Variants in SLC35F5 observed in about 807,000 individuals in gnomAD.
SLC35F5 encodes HCV NS5A-transactivated protein 3.
In SLC35F5, 54 loss-of-function variants were observed where a neutral mutation model predicts 68.6. The ratio of observed to expected loss-of-function variants is 0.79; its 90% CI spans 0.63 to 0.99. SLC35F5 has a LOEUF of 0.99. Ranked by LOEUF, SLC35F5 falls within the 50% of genes least tolerant of loss-of-function variation. SLC35F5 has a pLI of 0.00. For synonymous variants in SLC35F5, 211 were observed against 205.2 expected (o/e 1.03, Z -0.24); for missense variants, 567 against 626.9 (o/e 0.90, Z 1.02).
Position 113,756,497 on chromosome 2 carries a change from G to A in SLC35F5, c.-88C>T, listed in dbSNP as rs1271933874. 8.6e-6 allele frequency: 13 copies of A among 1,517,932 alleles called. No individual in the cohort carries two copies. The highest frequency in any genetic ancestry group is 1.4e-5 in the African/African-American group (1 of 72,228). The allele number at this position is 1,517,932 out of a possible 1,614,324, so 94.0% of individuals were successfully genotyped here. ...CTGTCACCGCGCCTGACATCGCGCCGCACTGGAGGCCCAGCTCCTGAAGAC... is the reference window on the plus strand; with the variant it reads ...CTGTCACCGCGCCTGACATCGCGCCACACTGGAGGCCCAGCTCCTGAAGAC... On this transcript the variant is annotated 5_prime_UTR_variant, in exon 1 of 16. Coordinates refer to ENST00000245680, the MANE Select transcript of SLC35F5 (RefSeq NM_025181.5).
At chr2:113,740,279 G>C (rs1676206895) in intron 7 of SLC35F5, among the ~76,000 whole-genome samples, 1 of 152,184 alleles carries the variant, frequency 6.6e-6, no homozygotes, top group African/African-American at 2.4e-5. Context: ...CTTCAGGTGA[G>C]CACACAACTC....
intron 3 of SLC35F5, among the ~76,000 whole-genome samples, chr2:113,751,810 C>G (rs1676754322): frequency 1.0e-5 from 1 of 97,344 alleles, no homozygotes; most frequent in African/African-American, 3.7e-5. Context: ...GAGACTCTGT[C>G]CCCAAAAAAG....
At chr2:113,725,827 T>A (rs1687640827) in intron 11 of SLC35F5, 1 of 233,644 alleles carries the variant, frequency 4.3e-6, no homozygotes, top group Non-Finnish European at 8.3e-6. Context: ...GTTGTTAACC[T>A]TAGCTACTGA....
At chr2:113,748,455 C>T (rs571226293) in intron 4 of SLC35F5, among the ~76,000 whole-genome samples, 2 of 152,168 alleles carry the variant, frequency 1.3e-5, no homozygotes, top group Non-Finnish European at 2.9e-5. Flanking sequence ...GCATGAGATA[C>T]CGCACCAGGC....
intron 14 of SLC35F5, among the ~76,000 whole-genome samples, 160 bp from the exon 15 acceptor site, chr2:113,718,010 G>GT (rs1243931658): frequency 6.6e-6 from 1 of 152,090 alleles, no homozygotes; most frequent in African/African-American, 2.4e-5. Flanking sequence ...CCAAGTTAGC[G>GT]TTTTTTGTTT....
At position 113,756,186 on chromosome 2, in the gene SLC35F5, T is replaced by C. The variant is rs544697878; in HGVS notation, c.40+184A>G. ...GAGGGCGCACGCACGGCTTCCTCAA[T>C]TGCCAGCGGTGGGCGCAGGGCTCCG... On this transcript the variant is annotated intron_variant, in intron 1 of 15. Transcript: ENST00000245680. 1.8e-4 allele frequency: 266 copies of C among 1,471,254 alleles called. 1 individual carries two copies. The African/African-American group carries it at 3.3e-3, about 18-fold the overall frequency. The allele number at this position is 1,471,254 out of a possible 1,614,324, so 91.1% of individuals were successfully genotyped here.
In SLC35F5 at chr2:113,710,929, A is replaced by C. The variant is rs1686964882; in HGVS notation, c.*4289T>G. The stretch of plus-strand genomic sequence containing the variant: ...AATCACAACTAGGCATAGGAAAATC[A>C]AGTAGAGAAATACTGAATGCCTAGC... On this transcript the variant is annotated 3_prime_UTR_variant, in exon 16 of 16. Transcript: ENST00000245680. Among the ~76,000 whole-genome samples the C allele has an allele frequency of 6.6e-6, 1 of 152,232 alleles. No homozygotes were observed. Among genetic ancestry groups the C allele is most frequent in the Non-Finnish European group, 1.5e-5 (1 of 68,044 alleles).
At chr2:113,715,748 G>A (rs559473905) in intron 15 of SLC35F5, among the ~76,000 whole-genome samples, 1 of 151,742 alleles carries the variant, frequency 6.6e-6, no homozygotes, top group African/African-American at 2.4e-5. Context: ...GTGTTGTTAT[G>A]TTATAATGTT....
At chr2:113,703,748 T>G (rs575279090), downstream of SLC35F5, 1 of 152,302 alleles carries the variant, frequency 6.6e-6, no homozygotes, top group Admixed American at 6.5e-5. Flanking sequence ...GAAGAAAAAC[T>G]GGGGCCAATA....
chr2:113,706,558 T>C (rs1686803876), downstream of SLC35F5, among the ~76,000 whole-genome samples: 1 of 152,222 alleles, frequency 6.6e-6, no homozygotes, highest in African/African-American at 2.4e-5. Flanking sequence ...GCAATTTGAT[T>C]ATTCAAAAAT....
At chr2:113,754,519 T>C (rs1480335862) in intron 3 of SLC35F5, among the ~76,000 whole-genome samples, 1 of 152,098 alleles carries the variant, frequency 6.6e-6, no homozygotes, top group African/African-American at 2.4e-5. Context: ...ATAGGGATCA[T>C]TAACCAAGCA....
chr2:113,755,317 G>C lies in SLC35F5; in HGVS notation c.132-11C>G. On this transcript the variant is annotated splice_polypyrimidine_tract_variant and intron_variant, in intron 2 of 15. Coordinates refer to ENST00000245680, the MANE Select transcript of SLC35F5 (RefSeq NM_025181.5). ...CACACCATTTGCAGTCTGTTTTTTA[G>C]AAAATACAGATCACATTAGAGATGA... 6.2e-7 allele frequency: 1 copy of C among 1,613,442 alleles called. No homozygotes were observed. The highest frequency in any genetic ancestry group is 8.5e-7 in the Non-Finnish European group (1 of 1,179,538).
At chr2:113,742,434 CTG>C (rs1224123549) in intron 7 of SLC35F5, 1 of 499,768 alleles carries the variant, frequency 2.0e-6, no homozygotes, top group Non-Finnish European at 3.5e-6. Context: ...ACTTCCCAAC[CTG>C]TGTGTGTTTG....
chr2:113,748,214 G>A (rs1279967839), intron 4 of SLC35F5, among the ~76,000 whole-genome samples: 1 of 152,062 alleles, frequency 6.6e-6, no homozygotes, highest in Non-Finnish European at 1.5e-5. Context: ...CACCCAGACT[G>A]GAGTGTAGTG....
intron 5 of SLC35F5, among the ~76,000 whole-genome samples, chr2:113,744,666 G>T (rs1446572435): frequency 6.6e-6 from 1 of 152,144 alleles, no homozygotes; most frequent in Non-Finnish European, 1.5e-5. Context: ...TAGGCAAATT[G>T]CTTGAAACCA....
At position 113,746,335 on chromosome 2, in the gene SLC35F5, G is replaced by T; in HGVS notation, c.422C>A (p.Ala141Glu). Residue 141 changes from alanine to glutamate, a missense_variant, in exon 5 of 16, where the codon GCA (alanine) becomes GAA (glutamate). Transcript: ENST00000245680. ...GLRGKHAAFF[A>E]DAEGYFAACT... ...AGCAGCAAAGTAACCTTCAGCATCT[G>T]CAAACTAAATACAGATAACAAGATA... 6.2e-7 allele frequency: 1 copy of T among 1,610,934 alleles called. No individual in the cohort carries two copies. Among genetic ancestry groups the T allele is most frequent in the South Asian group, 1.1e-5 (1 of 91,012 alleles).
chr2:113,755,601 A>T, intron 1 of SLC35F5, 57 bp from the exon 2 acceptor site: 1 of 1,477,854 alleles, frequency 6.8e-7, no homozygotes. Context: ...GGTAAGATTC[A>T]TCACATCGTT....
intron 15 of SLC35F5, chr2:113,717,391 T>G (rs1423335230): frequency 6.5e-6 from 1 of 154,976 alleles, no homozygotes; most frequent in African/African-American, 2.4e-5. Flanking sequence ...CTAAAGCATA[T>G]TATTAAATAA....
chr2:113,740,997 T>A (rs996593669), intron 7 of SLC35F5, among the ~76,000 whole-genome samples: 2 of 152,244 alleles, frequency 1.3e-5, no homozygotes, highest in Non-Finnish European at 2.9e-5. Flanking sequence ...AAGTTGCTAT[T>A]TTTTAAAGAC....
Sources: gnomAD v4.1 joint callset for allele counts (sites outside exome capture counted in the v4.1 genomes callset) on GRCh38, gnomAD v4.1.1 for gene constraint, MANE v1.5 for transcripts, NCBI Gene and HGNC (gene_info 2026-07-23, HGNC 2026-07-21) for gene names.